ART3: variants seen among roughly 807,000 people sequenced by gnomAD.
ART3 encodes ADP-ribosyltransferase 3 (inactive).
In ART3, 49 loss-of-function variants were observed where a neutral mutation model predicts 48.5. The ratio of observed to expected loss-of-function variants is 1.01; its 90% CI spans 0.80 to 1.28. The LOEUF is 1.28. ART3 is among the 50% of genes most tolerant of loss of function. ART3 has a pLI of 0.00. For missense variants in ART3, 438 were observed against 454.3 expected (o/e 0.96, Z 0.33); for synonymous variants, 145 against 157.2 (o/e 0.92, Z 0.58).
chr4:76,053,424 A>AAT (rs1736324959), intron 1 of ART3, among the ~76,000 whole-genome samples: 1 of 151,620 alleles, frequency 6.6e-6, no homozygotes, highest in Admixed American at 6.6e-5. Context: ...CTAAAAAAAA[A>AAT]CTAGCTATTA....
At chr4:76,076,606 A>AT (rs1721138548) in intron 2 of ART3, among the ~76,000 whole-genome samples, 1 of 152,082 alleles carries the variant, frequency 6.6e-6, no homozygotes, top group Non-Finnish European at 1.5e-5. Flanking sequence ...TGTACATAGA[A>AT]TTTTTTCTTT....
intron 1 of ART3, among the ~76,000 whole-genome samples, chr4:76,067,450 A>G (rs199572993): frequency 2.0e-5 from 2 of 97,634 alleles, no homozygotes; most frequent in Admixed American, 1.2e-4. Flanking sequence ...GAATTTAGCA[A>G]ACATTTTCCC....
At chr4:76,103,169 A>G (rs567804595) in intron 8 of ART3, among the ~76,000 whole-genome samples, 2 of 152,250 alleles carry the variant, frequency 1.3e-5, no homozygotes, top group Admixed American at 6.5e-5. Context: ...GAAATAATCT[A>G]TTTACTGAGA....
At chr4:76,036,003 T>TTGCTGCTGGTGC in intron 1 of ART3, 1 of 1,613,036 alleles carries the variant, frequency 6.2e-7, no homozygotes. Context: ...TTTTTTGCTG[T>TTGCTGCTGGTGC]TGCTGCTGGT....
Position 76,103,921 on chromosome 4 carries a change from T to G in ART3, c.938-16T>G. 4 of 1,611,628 alleles carry G rather than the reference T, an allele frequency of 2.5e-6. No individual in the cohort carries two copies. Among genetic ancestry groups the G allele is most frequent in the Non-Finnish European group, 3.4e-6 (4 of 1,178,284 alleles). ...ATAACTGATTAATACAAACCAATATTTATTTCTGCCTTTAGGTGTGAAAAT... is the reference window on the plus strand; with the variant it reads ...ATAACTGATTAATACAAACCAATATGTATTTCTGCCTTTAGGTGTGAAAAT... On this transcript the variant is annotated splice_polypyrimidine_tract_variant and intron_variant, in intron 8 of 11. Transcript: ENST00000355810.
intron 1 of ART3, among the ~76,000 whole-genome samples, chr4:76,067,378 G>A (rs1490568623): frequency 6.6e-6 from 1 of 152,184 alleles, no homozygotes; most frequent in Admixed American, 6.5e-5. Context: ...CACCGAACAG[G>A]GTGAAAGGAC....
At chr4:76,069,255 C>G (rs1235811858) in intron 1 of ART3, among the ~76,000 whole-genome samples, 2 of 151,672 alleles carry the variant, frequency 1.3e-5, no homozygotes, top group Non-Finnish European at 1.5e-5. Flanking sequence ...AAAAAGAAGC[C>G]TAGTACGCAT....
At chr4:76,089,393 G>A (rs12504915) in intron 3 of ART3, among the ~76,000 whole-genome samples, 10 of 151,354 alleles carry the variant, frequency 6.6e-5, no homozygotes, top group African/African-American at 2.5e-4. Context: ...ATTTAGCACC[G>A]TCCCCTTTGT....
At chr4:76,041,623 T>C (rs1273402469) in intron 1 of ART3, among the ~76,000 whole-genome samples, 1 of 151,974 alleles carries the variant, frequency 6.6e-6, no homozygotes, top group Non-Finnish European at 1.5e-5. Flanking sequence ...AAATATATTA[T>C]TTCAATGTGT....
intron 1 of ART3, among the ~76,000 whole-genome samples, chr4:76,064,813 G>A (rs551887146): frequency 6.7e-6 from 1 of 149,230 alleles, no homozygotes; most frequent in South Asian, 2.1e-4. Context: ...GTAGAAAGAT[G>A]GGAGTTGGAA....
chr4:76,108,314 G>C (rs1728853218), intron 11 of ART3, among the ~76,000 whole-genome samples: 2 of 151,784 alleles, frequency 1.3e-5, no homozygotes, highest in East Asian at 1.9e-4. Flanking sequence ...TAAGAAAATG[G>C]AGTGAAGAAA....
intron 3 of ART3, among the ~76,000 whole-genome samples, chr4:76,084,109 C>T (rs1329467181): frequency 6.6e-6 from 1 of 152,122 alleles, no homozygotes; most frequent in African/African-American, 2.4e-5. Flanking sequence ...AATCCTTTGA[C>T]AGAAATATAA....
At chr4:76,037,710 C>A (rs916261805) in intron 1 of ART3, among the ~76,000 whole-genome samples, 2 of 152,024 alleles carry the variant, frequency 1.3e-5, no homozygotes, top group Admixed American at 1.3e-4. Context: ...AAGATTTTTA[C>A]CTGAATTTTT....
intron 2 of ART3, among the ~76,000 whole-genome samples, chr4:76,081,113 A>G (rs1366114784): frequency 6.6e-6 from 1 of 152,222 alleles, no homozygotes; most frequent in Non-Finnish European, 1.5e-5. Context: ...CCCAGCGTCT[A>G]AAGTATGTTT....
chr4:76,073,587 T>A (rs530785186), upstream of ART3, among the ~76,000 whole-genome samples: 9 of 152,300 alleles, frequency 5.9e-5, no homozygotes, highest in African/African-American at 2.2e-4. Context: ...AAAAAACACA[T>A]ATCATAAGTA....
intron 1 of ART3, among the ~76,000 whole-genome samples, chr4:76,031,575 A>G (rs1358460631): frequency 6.6e-6 from 1 of 152,200 alleles, no homozygotes; most frequent in Non-Finnish European, 1.5e-5. Context: ...CCCATTTTGT[A>G]CAGAGTAAAA....
intron 3 of ART3, among the ~76,000 whole-genome samples, chr4:76,097,156 T>C (rs114052408): frequency 0.013 from 2,044 of 152,306 alleles, 40 homozygotes; most frequent in African/African-American, 0.046. Flanking sequence ...TCAGAGGTCA[T>C]ATGGCTGTTT....
intron 1 of ART3, among the ~76,000 whole-genome samples, chr4:76,011,682 G>A (rs200592443): frequency 1.2e-3 from 182 of 152,334 alleles, no homozygotes; most frequent in African/African-American, 4.2e-3. Context: ...AGCGGAATGG[G>A]AGGGCTTCTC....
At chr4:76,040,198 G>C (rs1734811679) in intron 1 of ART3, among the ~76,000 whole-genome samples, 1 of 152,090 alleles carries the variant, frequency 6.6e-6, no homozygotes, top group Non-Finnish European at 1.5e-5. Context: ...GGTGGCGCAT[G>C]CCTGTAATTC....
Sources: allele counts gnomAD v4.1 joint callset (sites outside exome capture counted in the v4.1 genomes callset), GRCh38; gene constraint gnomAD v4.1.1; transcripts MANE v1.5; gene names NCBI Gene and HGNC (gene_info 2026-07-23, HGNC 2026-07-21).